GHR: variants seen among roughly 807,000 people sequenced by gnomAD.
The protein encoded by GHR is growth hormone receptor, also known as GH receptor.
GHR carries 35 observed loss-of-function variants against 67.1 expected under a neutral mutation model. That is an observed-to-expected ratio of 0.52 (90% confidence interval 0.40 to 0.69). The LOEUF (loss-of-function observed/expected upper bound fraction) is 0.69, where lower values mean the gene tolerates loss of function less well. Among genes scored for constraint, GHR ranks in the 30% least tolerant of loss-of-function variants. GHR has a pLI of 0.00. For synonymous variants in GHR, 272 were observed against 269.1 expected (o/e 1.01, Z -0.10); for missense variants, 792 against 764.6 (o/e 1.04, Z -0.42).
At position 42,699,956 on chromosome 5, in the gene GHR, A is replaced by G; in HGVS notation, c.572A>G (p.Glu191Gly). ...ADIQKGWMVLEYELQYKEVNE... is the reference protein window; with the variant it reads ...ADIQKGWMVLGYELQYKEVNE... ...ATTCAGAAAGGATGGATGGTTCTGG[A>G]GTATGAACTTCAATACAAAGAAGTA... Residue 191 changes from glutamate (E) to glycine (G), a missense_variant, in exon 6 of 10, where the codon GAG (glutamate) becomes GGG (glycine). Glu to Gly is a moderately conservative substitution (Grantham distance 98, BLOSUM62 -2). Transcript: ENST00000230882. 6.2e-7 allele frequency: 1 copy of G among 1,602,622 alleles called. No individual in the cohort carries two copies. The highest frequency in any genetic ancestry group is 8.5e-7 in the Non-Finnish European group (1 of 1,169,656).
intron 1 of GHR, among the ~76,000 whole-genome samples, chr5:42,486,250 C>T (rs1404188558): frequency 2.0e-5 from 3 of 152,172 alleles, no homozygotes; most frequent in East Asian, 1.9e-4. Flanking sequence ...AGAATTCAGT[C>T]GTTCTATTCT....
At chr5:42,590,585 A>G (rs944299273) in intron 2 of GHR, among the ~76,000 whole-genome samples, 1 of 152,210 alleles carries the variant, frequency 6.6e-6, no homozygotes, top group Admixed American at 6.5e-5. Flanking sequence ...TTTGCCACAT[A>G]CTCAGATTGC....
chr5:42,689,837 G>A (rs1172280074), intron 4 of GHR, among the ~76,000 whole-genome samples: 1 of 152,140 alleles, frequency 6.6e-6, no homozygotes, highest in African/African-American at 2.4e-5. Flanking sequence ...ATGTAGCTTT[G>A]TTTCTAACCA....
chr5:42,465,314 TGCATGAAAATAAA>T, intron 1 of GHR: 2 of 707,840 alleles, frequency 2.8e-6, no homozygotes, highest in Non-Finnish European at 5.0e-6. Context: ...ATTTTTTTTT[TGCATGAAAATAAA>T]TCTTTATTTT....
intron 1 of GHR, among the ~76,000 whole-genome samples, chr5:42,551,964 G>A (rs1749058595): frequency 6.6e-6 from 1 of 152,206 alleles, no homozygotes; most frequent in Non-Finnish European, 1.5e-5. Context: ...TGTTTTACAA[G>A]ATGTGAAAAC....
chr5:42,563,475 G>A (rs933215343), intron 1 of GHR, among the ~76,000 whole-genome samples: 3 of 151,864 alleles, frequency 2.0e-5, no homozygotes, highest in Non-Finnish European at 2.9e-5. Flanking sequence ...AAAATTAGCC[G>A]GGCGCGGTGG....
chr5:42,629,132 C>G, intron 3 of GHR, 29 bp downstream of exon 3: 1 of 1,096,802 alleles, frequency 9.1e-7, no homozygotes, highest in African/African-American at 2.0e-5. Flanking sequence ...TTTCTTCCTT[C>G]AATGATATTT....
chr5:42,559,182 A>G lies in GHR; in HGVS notation c.-11-6682A>G, dbSNP rs527794819. On this transcript the variant is annotated intron_variant, in intron 1 of 9. Coordinates refer to ENST00000230882, the MANE Select transcript of GHR (RefSeq NM_000163.5). Reference sequence around the variant, plus strand: ...GCCACATTTTAAGTGCTCAATAGCCACATGTGACTTATTGTAACATAATTG... The same window carrying G: ...GCCACATTTTAAGTGCTCAATAGCCGCATGTGACTTATTGTAACATAATTG... Among the ~76,000 whole-genome samples the G allele has an allele frequency of 1.2e-4, 19 of 152,326 alleles. No homozygotes were observed. In the East Asian group the frequency reaches 1.9e-3, roughly 15 times the overall value.
chr5:42,455,922 G>A (rs1269833471), intron 1 of GHR, among the ~76,000 whole-genome samples: 1 of 152,198 alleles, frequency 6.6e-6, no homozygotes, highest in African/African-American at 2.4e-5. Context: ...TTTAATCTCT[G>A]AGCTGCAGTT....
rs571191652 is a variant in GHR at position 42,480,439 on chromosome 5, C to T, written c.-12+56484C>T. 3.3e-5 allele frequency among the ~76,000 whole-genome samples: 5 copies of T among 152,086 alleles called. No individual in the cohort carries two copies. In the South Asian group the frequency reaches 1.0e-3, roughly 32 times the overall value. On this transcript the variant is annotated intron_variant, in intron 1 of 9. Coordinates refer to ENST00000230882, the MANE Select transcript of GHR (RefSeq NM_000163.5). ...AGAACTGAGTTCAATTCCTGGGTATCCTTGTTAACTTTCTGTCTCGTTGAT... is the reference window on the plus strand; with the variant it reads ...AGAACTGAGTTCAATTCCTGGGTATTCTTGTTAACTTTCTGTCTCGTTGAT...
intron 1 of GHR, among the ~76,000 whole-genome samples, chr5:42,525,119 C>G (rs1747649873): frequency 6.6e-6 from 1 of 152,196 alleles, no homozygotes; most frequent in Non-Finnish European, 1.5e-5. Context: ...CCACTGTCCT[C>G]CAGACCCCAG....
At position 42,570,855 on chromosome 5, in the gene GHR, G is replaced by A. The variant is rs144361227; in HGVS notation, c.70+4911G>A. Among the ~76,000 whole-genome samples the A allele has an allele frequency of 7.6e-4, 116 of 152,276 alleles. 1 individual carries two copies. The highest frequency in any genetic ancestry group is 2.6e-3 in the African/African-American group (108 of 41,562). On this transcript the variant is annotated intron_variant, in intron 2 of 9. Coordinates refer to ENST00000230882, the MANE Select transcript of GHR (RefSeq NM_000163.5). ...ACTTTGTCAGTAATACTAGTAATAG[G>A]ATAAAAGTGAATTTGAAAGGGATGA...
At chr5:42,483,000 AT>A (rs1296178313) in intron 1 of GHR, among the ~76,000 whole-genome samples, 1 of 151,992 alleles carries the variant, frequency 6.6e-6, no homozygotes, top group Non-Finnish European at 1.5e-5. Context: ...GACTGGAGCT[AT>A]TCCTATTTGG....
intron 1 of GHR, among the ~76,000 whole-genome samples, chr5:42,448,537 C>A (rs185819776): frequency 6.6e-6 from 1 of 150,606 alleles, no homozygotes; most frequent in Non-Finnish European, 1.5e-5. Flanking sequence ...GCATAGTTTG[C>A]GAAGATTTTC....
intron 1 of GHR, among the ~76,000 whole-genome samples, chr5:42,502,843 T>A: frequency 6.7e-6 from 1 of 148,478 alleles, no homozygotes; most frequent in East Asian, 1.9e-4. Flanking sequence ...TTTATTAAAA[T>A]AATAATTATT....
intron 3 of GHR, among the ~76,000 whole-genome samples, chr5:42,634,521 GCACACACA>G (rs10684580): frequency 6.7e-6 from 1 of 148,820 alleles, no homozygotes; most frequent in South Asian, 2.1e-4. Context: ...ATTGAATTTT[GCACACACA>G]CACACACACA....
At chr5:42,660,976 G>A (rs1755577695) in intron 3 of GHR, among the ~76,000 whole-genome samples, 1 of 152,222 alleles carries the variant, frequency 6.6e-6, no homozygotes, top group South Asian at 2.1e-4. Context: ...AGCCTCAGGA[G>A]CCGATGCGAT....
At chr5:42,506,700 G>T (rs569217568) in intron 1 of GHR, among the ~76,000 whole-genome samples, 11 of 152,008 alleles carry the variant, frequency 7.2e-5, no homozygotes, top group African/African-American at 2.4e-4. Context: ...ATTTGATGTC[G>T]ACATCACTAG....
intron 1 of GHR, among the ~76,000 whole-genome samples, chr5:42,434,505 A>G (rs1743237542): frequency 6.6e-6 from 1 of 152,190 alleles, no homozygotes; most frequent in Non-Finnish European, 1.5e-5. Flanking sequence ...AGGTGAGGAA[A>G]TGGGAGGCCC....
Sources: gnomAD v4.1 joint callset for allele counts (sites outside exome capture counted in the v4.1 genomes callset) on GRCh38, gnomAD v4.1.1 for gene constraint, MANE v1.5 for transcripts, NCBI Gene and HGNC (gene_info 2026-07-23, HGNC 2026-07-21) for gene names.